The following DPP10 variants were observed in gnomAD, a reference collection of about 807,000 sequenced individuals.
The protein encoded by DPP10 is dipeptidyl peptidase like 10.
In DPP10, 33 loss-of-function variants were observed where a neutral mutation model predicts 120.9. The observed-to-expected ratio is 0.27, with a 90% CI of 0.21 to 0.37. DPP10 has a LOEUF of 0.37. Among genes scored for constraint, DPP10 ranks in the 10% least tolerant of loss-of-function variants. The probability of loss-of-function intolerance (pLI) is 1.00; values close to 1 mark genes in which losing one functional copy is unlikely to be tolerated. For missense variants in DPP10, 816 were observed against 942.8 expected, an observed-to-expected ratio of 0.87 and a Z score of 1.76; for synonymous variants, 337 against 326.1, an observed-to-expected ratio of 1.03 and a Z score of -0.36.
At chr2:115,030,197 C>T (rs1703743591) in intron 1 of DPP10, among the ~76,000 whole-genome samples, 1 of 151,780 alleles carries the variant, frequency 6.6e-6, no homozygotes, top group African/African-American at 2.4e-5. Context: ...TTTCTCAGAG[C>T]AGTATCCTTC....
chr2:114,931,611 C>T (rs1233014274), intron 1 of DPP10, among the ~76,000 whole-genome samples: 1 of 152,188 alleles, frequency 6.6e-6, no homozygotes, highest in African/African-American at 2.4e-5. Flanking sequence ...CGGAGACAAA[C>T]ATCCAAACTA....
chr2:115,440,231 G>A (rs1367434009), intron 3 of DPP10, among the ~76,000 whole-genome samples: 1 of 151,812 alleles, frequency 6.6e-6, no homozygotes, highest in African/African-American at 2.4e-5. Flanking sequence ...AACAAGAGAA[G>A]TTTTTCTTTG....
At chr2:114,626,793 C>A (rs1694547249) in intron 1 of DPP10, among the ~76,000 whole-genome samples, 1 of 152,038 alleles carries the variant, frequency 6.6e-6, no homozygotes, top group Non-Finnish European at 1.5e-5. Context: ...CCACAATTTT[C>A]TTCTACCTTT....
At position 115,090,437 on chromosome 2, in the gene DPP10, G is replaced by A. The variant is rs10182298; in HGVS notation, c.61-218802G>A. On this transcript the variant is annotated intron_variant, in intron 1 of 25. Transcript: ENST00000410059. ...CAAATATTATCCCCAAGTGGTGAGG[G>A]TTTTGTCAGGGATTTGGGGAGGGGG... Among the ~76,000 whole-genome samples the A allele has an allele frequency of 3.1e-3, 479 of 152,172 alleles. 4 individuals carry two copies. Among genetic ancestry groups the A allele is most frequent in the African/African-American group, 0.01 (427 of 41,516 alleles).
chr2:114,538,406 T>C lies in DPP10; in HGVS notation c.60+95568T>C, dbSNP rs367714234. 1.7e-4 allele frequency among the ~76,000 whole-genome samples: 26 copies of C among 152,286 alleles called. No individual in the cohort carries two copies. The South Asian group carries it at 5.4e-3, about 32-fold the overall frequency. ...CAAACCCCTCACTCAGAGAAGGGAA[T>C]TGAGACTCACAGAGCTGAAGTGTCC... On this transcript the variant is annotated intron_variant, in intron 1 of 25. Coordinates refer to ENST00000410059, the MANE Select transcript of DPP10 (RefSeq NM_020868.6).
chr2:115,435,974 G>T (rs1266943384), intron 3 of DPP10, among the ~76,000 whole-genome samples: 1 of 151,728 alleles, frequency 6.6e-6, no homozygotes, highest in African/African-American at 2.4e-5. Context: ...CATGTTCTTG[G>T]CACCTGTCTA....
At chr2:115,415,563 T>A (rs2069315407) in intron 3 of DPP10, among the ~76,000 whole-genome samples, 1 of 152,110 alleles carries the variant, frequency 6.6e-6, no homozygotes, top group Non-Finnish European at 1.5e-5. Context: ...ACGGGAAAGC[T>A]TGCCAAGTGC....
chr2:114,876,017 T>A (rs1558833311), intron 1 of DPP10, among the ~76,000 whole-genome samples: 1 of 152,160 alleles, frequency 6.6e-6, no homozygotes, highest in Non-Finnish European at 1.5e-5. Context: ...AGAGTTTTGA[T>A]AGTATATTCA....
chr2:115,709,865 T>C (rs1314696297), intron 7 of DPP10, among the ~76,000 whole-genome samples: 3 of 151,660 alleles, frequency 2.0e-5, no homozygotes, highest in African/African-American at 7.3e-5. Context: ...GCAGGAAAAA[T>C]ATCTGAAAAA....
chr2:115,446,440 G>T (rs1321022074), intron 3 of DPP10, among the ~76,000 whole-genome samples: 3 of 152,128 alleles, frequency 2.0e-5, no homozygotes, highest in East Asian at 1.9e-4. Flanking sequence ...ATTAAAGAAA[G>T]AAGAAAGAAA....
chr2:114,886,504 G>A (rs914577161), intron 1 of DPP10, among the ~76,000 whole-genome samples: 8 of 152,142 alleles, frequency 5.3e-5, no homozygotes, highest in African/African-American at 1.9e-4. Context: ...ATTTATCTAT[G>A]CAGCAGCTAA....
intron 4 of DPP10, 51 bp downstream of exon 4, chr2:115,499,655 G>T (rs746424543): frequency 1.4e-6 from 2 of 1,398,882 alleles, no homozygotes; most frequent in Non-Finnish European, 2.0e-6. Flanking sequence ...TGTTTAGAAA[G>T]CTCTCTAGAT....
At chr2:115,207,035 A>C (rs12472611) in intron 1 of DPP10, among the ~76,000 whole-genome samples, 56,549 of 152,114 alleles carry the variant, frequency 0.37, 12,696 homozygotes, top group Non-Finnish European at 0.5. Flanking sequence ...GACTTTTAAA[A>C]GTGCTGTAAC....
chr2:115,357,834 C>T (rs1208507938), intron 3 of DPP10, among the ~76,000 whole-genome samples: 1 of 152,148 alleles, frequency 6.6e-6, no homozygotes, highest in Non-Finnish European at 1.5e-5. Context: ...GTTTTCTGTG[C>T]ACCCATAGGA....
intron 1 of DPP10, among the ~76,000 whole-genome samples, chr2:114,752,474 C>T (rs539940531): frequency 6.6e-6 from 1 of 152,306 alleles, no homozygotes; most frequent in East Asian, 1.9e-4. Flanking sequence ...GGCTGCTTTA[C>T]ATCATCCTGA....
intron 1 of DPP10, among the ~76,000 whole-genome samples, chr2:114,568,188 A>G (rs1689355344): frequency 6.6e-6 from 1 of 151,888 alleles, no homozygotes; most frequent in Non-Finnish European, 1.5e-5. Flanking sequence ...GATACACACT[A>G]TTTTATATAT....
At chr2:115,749,766 A>G (rs911464158) in intron 10 of DPP10, among the ~76,000 whole-genome samples, 1 of 152,188 alleles carries the variant, frequency 6.6e-6, no homozygotes, top group Non-Finnish European at 1.5e-5. Context: ...GCTCAAAGTA[A>G]CTACACCGCA....
intron 1 of DPP10, among the ~76,000 whole-genome samples, chr2:114,765,446 GT>G (rs760282855): frequency 6.6e-6 from 1 of 152,078 alleles, no homozygotes; most frequent in African/African-American, 2.4e-5. Flanking sequence ...TGAGCATTAT[GT>G]GAACAAAGAG....
In DPP10 at chr2:114,746,533, G is replaced by A. The variant is rs140608993; in HGVS notation, c.60+303695G>A. ...AGGTAAGTGACTTGCCCATAGCTGC[G>A]GAATTCAGTCTTGCATGATCAGTCC... is the stretch of plus-strand genomic sequence containing the variant. On this transcript the variant is annotated intron_variant, in intron 1 of 25. Coordinates refer to ENST00000410059, the MANE Select transcript of DPP10 (RefSeq NM_020868.6). 6.6e-5 allele frequency among the ~76,000 whole-genome samples: 10 copies of A among 152,292 alleles called. 1 individual carries two copies. In the South Asian group the frequency reaches 1.2e-3, roughly 19 times the overall value.
Sources: gnomAD v4.1 joint callset for allele counts (sites outside exome capture counted in the v4.1 genomes callset) on GRCh38, gnomAD v4.1.1 for gene constraint, MANE v1.5 for transcripts, NCBI Gene and HGNC (gene_info 2026-07-23, HGNC 2026-07-21) for gene names.